ZCCHC14: variants seen among roughly 807,000 people sequenced by gnomAD.
ZCCHC14 encodes zinc finger CCHC domain-containing protein 14.
ZCCHC14 carries 16 observed loss-of-function variants against 85.0 expected under a neutral mutation model. The ratio of observed to expected loss-of-function variants is 0.19; its 90% CI spans 0.13 to 0.29. The LOEUF (loss-of-function observed/expected upper bound fraction) is 0.29. Among genes scored for constraint, ZCCHC14 ranks in the 10% least tolerant of loss-of-function variants. The pLI is 1.00. For synonymous variants in ZCCHC14, 775 were observed against 630.7 expected, an observed-to-expected ratio of 1.23 and a Z score of -3.43; for missense variants, 1,303 against 1,443.5, an observed-to-expected ratio of 0.90 and a Z score of 1.58.
At chr16:87,467,164 G>A in intron 1 of ZCCHC14, 5 of 1,289,060 alleles carry the variant, frequency 3.9e-6, no homozygotes, top group Non-Finnish European at 5.6e-6. Context: ...GATGAAAACT[G>A]TCTGCTTTCT....
At chr16:87,486,970 G>A (rs983820878) in intron 1 of ZCCHC14, among the ~76,000 whole-genome samples, 3 of 152,212 alleles carry the variant, frequency 2.0e-5, no homozygotes, top group African/African-American at 7.2e-5. Context: ...AGAGTTTAGG[G>A]CTAAAGGAGA....
In ZCCHC14 at chr16:87,409,297, G is replaced by A. The variant is rs1908332817; in HGVS notation, c.*983C>T. The A allele has an allele frequency of 1.3e-5, 2 of 152,214 alleles. No individual in the cohort carries two copies. Among genetic ancestry groups the A allele is most frequent in the Non-Finnish European group, 2.9e-5 (2 of 68,044 alleles). 9.4% of individuals were successfully genotyped at this position (152,214 alleles called of 1,614,324 possible). On this transcript the variant is annotated 3_prime_UTR_variant, in exon 13 of 13. Transcript: ENST00000671377. ...GTGAATCCGCTAGCGATAAGCCTCG[G>A]GGTTGGAGGTTCTTGGGGAGCCCGT...
rs541851354 is a variant in ZCCHC14, at chr16:87,431,591, A to G, written c.768+1537T>C. Among the ~76,000 whole-genome samples, 7 of 152,162 alleles carry G rather than the reference A, an allele frequency of 4.6e-5. No homozygotes were observed. In the East Asian group the frequency reaches 1.4e-3, roughly 29 times the overall value. The stretch of plus-strand genomic sequence containing the variant: ...GGACCTGACTCCTGATTTCCTCACC[A>G]CAAATAACTGGACTAACTGGACTAA... On this transcript the variant is annotated intron_variant, in intron 3 of 12. Coordinates refer to ENST00000671377, the MANE Select transcript of ZCCHC14 (RefSeq NM_015144.3).
At chr16:87,471,169 C>T (rs1911754680) in intron 1 of ZCCHC14, 1 of 152,100 alleles carries the variant, frequency 6.6e-6, no homozygotes, top group Non-Finnish European at 1.5e-5. Flanking sequence ...AATTAACCTA[C>T]CTCTATACAG....
At chr16:87,453,318 A>G (rs1052796933) in intron 2 of ZCCHC14, among the ~76,000 whole-genome samples, 3 of 152,356 alleles carry the variant, frequency 2.0e-5, no homozygotes, top group Middle Eastern at 3.4e-3. Context: ...AAAAAAATGT[A>G]TTTACAGAAC....
intron 2 of ZCCHC14, among the ~76,000 whole-genome samples, chr16:87,450,522 A>G (rs572383855): frequency 2.0e-4 from 31 of 152,070 alleles, no homozygotes; most frequent in Admixed American, 5.2e-4. Context: ...ACAAAGAGAA[A>G]CAAAAGTAGT....
At chr16:87,426,412 C>A (rs529350507) in intron 3 of ZCCHC14, among the ~76,000 whole-genome samples, 1 of 152,344 alleles carries the variant, frequency 6.6e-6, no homozygotes, top group African/African-American at 2.4e-5. Flanking sequence ...TCTTCTATCA[C>A]GTCCCTGAAA....
intron 1 of ZCCHC14, among the ~76,000 whole-genome samples, chr16:87,482,205 G>C (rs575437210): frequency 4.6e-5 from 7 of 152,278 alleles, no homozygotes; most frequent in African/African-American, 1.7e-4. Flanking sequence ...TGAGCTACTG[G>C]GAACCTTCAC....
chr16:87,435,339 C>T (rs1481602714), intron 2 of ZCCHC14, among the ~76,000 whole-genome samples: 1 of 152,208 alleles, frequency 6.6e-6, no homozygotes, highest in African/African-American at 2.4e-5. Flanking sequence ...CCATGGGAGG[C>T]TAGTGGCTGC....
At chr16:87,459,565 A>G (rs562596092) in intron 2 of ZCCHC14, among the ~76,000 whole-genome samples, 26 of 150,760 alleles carry the variant, frequency 1.7e-4, no homozygotes. Context: ...GCTGGAGTGC[A>G]ATGGCGTGAT....
chr16:87,482,270 T>A (rs1021310516), intron 1 of ZCCHC14, among the ~76,000 whole-genome samples: 7 of 152,064 alleles, frequency 4.6e-5, no homozygotes, highest in Non-Finnish European at 1.0e-4. Context: ...TCAGTGTGAC[T>A]GGCAAAACCA....
intron 8 of ZCCHC14, among the ~76,000 whole-genome samples, chr16:87,415,589 C>T (rs1015768552): frequency 1.3e-5 from 2 of 152,178 alleles, no homozygotes; most frequent in African/African-American, 4.8e-5. Context: ...GCAAGAGTGT[C>T]CCCGGCTCCT....
Position 87,411,811 on chromosome 16 carries a change from G to A in ZCCHC14, c.2910C>T (p.Ser970=), listed in dbSNP as rs138128554. Residue 970 remains serine (S), a synonymous_variant, in exon 12 of 13, where the codon AGC becomes AGT. Transcript: ENST00000671377. The stretch of plus-strand genomic sequence containing the variant: ...CGTACTGCTGGGCGCTGACGTAGCC[G>A]CTGCTGCACATGGGACTGAAGGGCA... ...PFLPFSPMCS[S]GYVSAQQYGG... is the part of the protein sequence containing the mutation. 5.1e-4 allele frequency: 821 copies of A among 1,611,590 alleles called. No homozygotes were observed. Among genetic ancestry groups the A allele is most frequent in the Middle Eastern group, 1.2e-3 (7 of 5,944 alleles).
At chr16:87,451,555 G>C (rs1910703825) in intron 2 of ZCCHC14, among the ~76,000 whole-genome samples, 2 of 152,228 alleles carry the variant, frequency 1.3e-5, no homozygotes, top group African/African-American at 2.4e-5. Flanking sequence ...CCTTAGGAAA[G>C]TCACTTATTT....
intron 3 of ZCCHC14, among the ~76,000 whole-genome samples, chr16:87,429,571 A>C (rs1334737981): frequency 6.6e-6 from 1 of 152,216 alleles, no homozygotes; most frequent in Admixed American, 6.5e-5. Flanking sequence ...CCCTTGAGGC[A>C]AGAGTTCAAG....
At chr16:87,439,623 A>G (rs1226379221) in intron 2 of ZCCHC14, among the ~76,000 whole-genome samples, 2 of 152,268 alleles carry the variant, frequency 1.3e-5, no homozygotes, top group East Asian at 1.9e-4. Context: ...TTATATACAT[A>G]TATCAAAATA....
At chr16:87,461,513 G>A (rs1476197163) in intron 1 of ZCCHC14, among the ~76,000 whole-genome samples, 1 of 152,200 alleles carries the variant, frequency 6.6e-6, no homozygotes, top group African/African-American at 2.4e-5. Context: ...CATGGCACAA[G>A]CAGCCTGGAA....
intron 1 of ZCCHC14, among the ~76,000 whole-genome samples, chr16:87,487,175 C>T (rs1912547507): frequency 6.6e-6 from 1 of 152,226 alleles, no homozygotes; most frequent in Non-Finnish European, 1.5e-5. Flanking sequence ...CAGTGCTTAT[C>T]CTCAGGCACT....
At chr16:87,458,815 A>G (rs1350916454) in intron 2 of ZCCHC14, among the ~76,000 whole-genome samples, 1 of 152,178 alleles carries the variant, frequency 6.6e-6, no homozygotes, top group African/African-American at 2.4e-5. Flanking sequence ...GGGAGAATAG[A>G]GGCCAGCAGA....
Sources: gnomAD v4.1 joint callset for allele counts (sites outside exome capture counted in the v4.1 genomes callset) on GRCh38, gnomAD v4.1.1 for gene constraint, MANE v1.5 for transcripts, NCBI Gene and HGNC (gene_info 2026-07-23, HGNC 2026-07-21) for gene names.